Variants in PIP4K2A observed in about 807,000 individuals in gnomAD.
The protein encoded by PIP4K2A is phosphatidylinositol-5-phosphate 4-kinase type 2 alpha.
A neutral mutation model predicts 42.9 loss-of-function variants in PIP4K2A; 14 were observed. The observed-to-expected ratio is 0.33, with a 90% CI of 0.22 to 0.51. PIP4K2A has a LOEUF of 0.51. PIP4K2A is among the 20% of genes least tolerant of loss of function. The pLI is 0.97. For synonymous variants in PIP4K2A, 192 were observed against 192.2 expected (o/e 1.00, Z 0.01); for missense variants, 434 against 519.8 (o/e 0.83, Z 1.61).
At chr10:22,693,700 A>T (rs946553516) in intron 1 of PIP4K2A, among the ~76,000 whole-genome samples, 1 of 152,136 alleles carries the variant, frequency 6.6e-6, no homozygotes, top group African/African-American at 2.4e-5. Context: ...TGACCTTAAC[A>T]CACACACCCA....
chr10:22,628,647 A>G lies in PIP4K2A; in HGVS notation c.145-18930T>C, dbSNP rs1466234920. On this transcript the variant is annotated intron_variant, in intron 1 of 9. Transcript: ENST00000376573. Reference sequence around the variant, plus strand: ...ACACGTAAGATTCACATTGGTTAGGACATCTTGAAGCAGGGGAAGGCAGGC... The same window carrying G: ...ACACGTAAGATTCACATTGGTTAGGGCATCTTGAAGCAGGGGAAGGCAGGC... Among the ~76,000 whole-genome samples, 4 of 152,214 alleles carry G rather than the reference A, an allele frequency of 2.6e-5. No homozygotes were observed. The South Asian group carries it at 8.3e-4, about 32-fold the overall frequency.
Position 22,568,884 on chromosome 10 carries a change from C to T in PIP4K2A, c.640-995G>A. 5 of 655,918 alleles carry T rather than the reference C, an allele frequency of 7.6e-6. No homozygotes were observed. The South Asian group carries it at 9.4e-5, about 12-fold the overall frequency. 40.6% of individuals were successfully genotyped at this position (655,918 alleles called of 1,614,324 possible). A position where few individuals can be genotyped will look rare whatever the true frequency, so the allele number is the denominator to read the frequency against. On this transcript the variant is annotated intron_variant, in intron 5 of 9. Coordinates refer to ENST00000376573, the MANE Select transcript of PIP4K2A (RefSeq NM_005028.5). ...ATCACAGGCCAATTTCCTGGGCTCCCTTCCCCTCCTGCACTGGACACCCCT... is the reference window on the plus strand; with the variant it reads ...ATCACAGGCCAATTTCCTGGGCTCCTTTCCCCTCCTGCACTGGACACCCCT...
At chr10:22,600,465 G>A (rs12773197) in intron 3 of PIP4K2A, among the ~76,000 whole-genome samples, 1 of 152,098 alleles carries the variant, frequency 6.6e-6, no homozygotes, top group African/African-American at 2.4e-5. Flanking sequence ...TATGGATGAG[G>A]AAACTGAGAC....
intron 7 of PIP4K2A, among the ~76,000 whole-genome samples, chr10:22,546,693 G>T (rs1564414659): frequency 6.6e-6 from 1 of 152,140 alleles, no homozygotes; most frequent in African/African-American, 2.4e-5. Context: ...TTACAGGCAT[G>T]AGCCACCACA....
At chr10:22,592,334 C>A (rs1340043605) in intron 3 of PIP4K2A, among the ~76,000 whole-genome samples, 3 of 152,206 alleles carry the variant, frequency 2.0e-5, no homozygotes, top group Non-Finnish European at 4.4e-5. Context: ...AGCTAGAATT[C>A]TGACTCCAGT....
intron 1 of PIP4K2A, among the ~76,000 whole-genome samples, chr10:22,624,424 C>A (rs561572241): frequency 2.6e-5 from 4 of 152,264 alleles, no homozygotes; most frequent in African/African-American, 9.6e-5. Context: ...AATTACACAG[C>A]CTATGAAGTT....
intron 1 of PIP4K2A, among the ~76,000 whole-genome samples, chr10:22,649,943 C>T (rs953818944): frequency 2.6e-5 from 4 of 152,186 alleles, no homozygotes; most frequent in Admixed American, 6.5e-5. Context: ...TCCCCTGTAT[C>T]GCTGCAAGAG....
intron 4 of PIP4K2A, among the ~76,000 whole-genome samples, chr10:22,576,929 C>T (rs943977003): frequency 3.3e-5 from 5 of 151,840 alleles, no homozygotes. Flanking sequence ...CAAAAATTAG[C>T]CAGATGTGGT....
chr10:22,589,463 A>C (rs1479581291), intron 4 of PIP4K2A, among the ~76,000 whole-genome samples: 1 of 152,204 alleles, frequency 6.6e-6, no homozygotes, highest in African/African-American at 2.4e-5. Context: ...AGATATTATA[A>C]AAGATTTATT....
intron 1 of PIP4K2A, among the ~76,000 whole-genome samples, chr10:22,620,919 T>C (rs1838314941): frequency 6.6e-6 from 1 of 152,226 alleles, no homozygotes; most frequent in South Asian, 2.1e-4. Flanking sequence ...TTTATGTGGA[T>C]GTGGCAGTGC....
At chr10:22,709,120 T>TA (rs199595946) in intron 1 of PIP4K2A, among the ~76,000 whole-genome samples, 1,526 of 151,486 alleles carry the variant, frequency 0.01, 38 homozygotes, top group African/African-American at 0.036. Context: ...TTTTTTTTTT[T>TA]TAAAAGTCCC....
At chr10:22,637,051 T>C (rs1331851659) in intron 1 of PIP4K2A, among the ~76,000 whole-genome samples, 1 of 152,174 alleles carries the variant, frequency 6.6e-6, no homozygotes, top group Non-Finnish European at 1.5e-5. Context: ...TATACATTAA[T>C]AGCAATAAAC....
At position 22,536,987 on chromosome 10, in the gene PIP4K2A, T is replaced by TAC; in HGVS notation, c.*212_*213dup. The TAC allele has an allele frequency of 1.2e-5, 5 of 431,946 alleles. No homozygotes were observed. Among genetic ancestry groups the TAC allele is most frequent in the Non-Finnish European group, 1.7e-5 (4 of 237,126 alleles). The allele number at this position is 431,946 out of a possible 1,614,324, so 26.8% of individuals were successfully genotyped here. A position where few individuals can be genotyped will look rare whatever the true frequency, so the allele number is the denominator to read the frequency against. Reference sequence around the variant, plus strand: ...CCCCCAACACACACACACACACATATACACAAAGTCAGAAATAGCTAGAAC... The same window carrying TAC: ...CCCCCAACACACACACACACACATATACACACAAAGTCAGAAATAGCTAGAAC... On this transcript the variant is annotated 3_prime_UTR_variant, in exon 10 of 10. Coordinates refer to ENST00000376573, the MANE Select transcript of PIP4K2A (RefSeq NM_005028.5).
rs1028530837 is a variant in PIP4K2A at position 22,714,065 on chromosome 10, G to C, written c.144+118C>G. On this transcript the variant is annotated intron_variant, in intron 1 of 9. Coordinates refer to ENST00000376573, the MANE Select transcript of PIP4K2A (RefSeq NM_005028.5). ...GGGGCTTCGAGGCGGGCGAGCAGCC[G>C]GAGGTCCAGGGCTGACTCCGGCTCC... is the stretch of plus-strand genomic sequence containing the variant. 6.5e-6 allele frequency: 7 copies of C among 1,068,748 alleles called. No individual in the cohort carries two copies. The Admixed American group carries it at 1.5e-4, about 22-fold the overall frequency. The allele number at this position is 1,068,748 out of a possible 1,614,324, so 66.2% of individuals were successfully genotyped here.
chr10:22,559,404 A>G (rs1413678701), intron 6 of PIP4K2A, among the ~76,000 whole-genome samples: 1 of 152,184 alleles, frequency 6.6e-6, no homozygotes, highest in East Asian at 1.9e-4. Flanking sequence ...GATAAAAATT[A>G]ATCTGAGGCA....
chr10:22,699,655 T>C (rs1382955170), intron 1 of PIP4K2A, among the ~76,000 whole-genome samples: 4 of 152,164 alleles, frequency 2.6e-5, no homozygotes, highest in Admixed American at 6.5e-5. Flanking sequence ...ACCACATCTA[T>C]ACCTGGTTAT....
intron 4 of PIP4K2A, among the ~76,000 whole-genome samples, chr10:22,590,386 T>TA (rs1222988484): frequency 6.6e-6 from 1 of 152,192 alleles, no homozygotes; most frequent in Non-Finnish European, 1.5e-5. Flanking sequence ...ACTTAGTTGT[T>TA]ACGTTATTTT....
intron 1 of PIP4K2A, among the ~76,000 whole-genome samples, chr10:22,632,532 C>T (rs1240108853): frequency 6.6e-6 from 1 of 152,154 alleles, no homozygotes; most frequent in African/African-American, 2.4e-5. Flanking sequence ...CCACAAAATG[C>T]ACCTTACATA....
chr10:22,572,971 A>AACTTATC (rs1837024921), intron 5 of PIP4K2A, among the ~76,000 whole-genome samples: 1 of 152,216 alleles, frequency 6.6e-6, no homozygotes, highest in Non-Finnish European at 1.5e-5. Flanking sequence ...CTCTATGACT[A>AACTTATC]ACTTATCACT....
Sources: gnomAD v4.1 joint callset for allele counts (sites outside exome capture counted in the v4.1 genomes callset) on GRCh38, gnomAD v4.1.1 for gene constraint, MANE v1.5 for transcripts, NCBI Gene and HGNC (gene_info 2026-07-23, HGNC 2026-07-21) for gene names.